ASCC3: variants seen among roughly 807,000 people sequenced by gnomAD.
The protein encoded by ASCC3 is activating signal cointegrator 1 complex subunit 3, also known as ASC-1 complex subunit P200.
A neutral mutation model predicts 256.3 loss-of-function variants in ASCC3; 158 were observed. The observed-to-expected ratio is 0.62, with a 90% CI of 0.54 to 0.70. The LOEUF (loss-of-function observed/expected upper bound fraction) is 0.70, where lower values mean the gene tolerates loss of function less well. Ranked by LOEUF, ASCC3 falls within the 30% of genes least tolerant of loss-of-function variation. ASCC3 has a pLI of 0.00. For synonymous variants in ASCC3, 948 were observed against 883.4 expected (o/e 1.07, Z -1.30); for missense variants, 2,259 against 2,626.0 (o/e 0.86, Z 3.05).
chr6:100,665,180 ATCAGTGGCCAGTTTCACATTCAACCAGCG>A (rs953181567), intron 14 of ASCC3, among the ~76,000 whole-genome samples: 3 of 152,156 alleles, frequency 2.0e-5, no homozygotes, highest in African/African-American at 7.2e-5. Context: ...TTCAACCAGC[ATCAGTGGCCAGTTTCACATTCAACCAGCG>A]TCAGTGGCCA....
chr6:100,686,671 T>C (rs1777581173), intron 13 of ASCC3, among the ~76,000 whole-genome samples: 1 of 152,124 alleles, frequency 6.6e-6, no homozygotes, highest in African/African-American at 2.4e-5. Context: ...TTAAAAGCAA[T>C]GTAATAAATA....
At chr6:100,570,694 G>A (rs1284687324) in intron 36 of ASCC3, among the ~76,000 whole-genome samples, 1 of 151,932 alleles carries the variant, frequency 6.6e-6, no homozygotes, top group African/African-American at 2.4e-5. Flanking sequence ...TTTGAAACTT[G>A]GAAAAGAATC....
intron 30 of ASCC3, among the ~76,000 whole-genome samples, chr6:100,624,201 T>C (rs938775699): frequency 6.6e-6 from 1 of 151,874 alleles, no homozygotes; most frequent in Admixed American, 6.6e-5. Context: ...TTAATATGTA[T>C]ATATGTATAG....
At chr6:100,676,679 T>C (rs1777024599) in intron 14 of ASCC3, among the ~76,000 whole-genome samples, 1 of 152,162 alleles carries the variant, frequency 6.6e-6, no homozygotes, top group South Asian at 2.1e-4. Flanking sequence ...GAGAAAAGAC[T>C]CATTTCAGTT....
In ASCC3 at chr6:100,579,586, T is replaced by C. The variant is rs181034385; in HGVS notation, c.5550+10048A>G. On this transcript the variant is annotated intron_variant, in intron 36 of 41. Coordinates refer to ENST00000369162, the MANE Select transcript of ASCC3 (RefSeq NM_006828.4). ...GCTCGGCAATTATCCCAGCACCATTTATTGAATAGGGAGTCTTTTTCCCAT... is the reference window on the plus strand; with the variant it reads ...GCTCGGCAATTATCCCAGCACCATTCATTGAATAGGGAGTCTTTTTCCCAT... Among the ~76,000 whole-genome samples the C allele has an allele frequency of 1.2e-4, 19 of 152,242 alleles. No individual in the cohort carries two copies. The East Asian group carries it at 3.7e-3, about 29-fold the overall frequency.
chr6:100,758,030 T>C (rs527288341), intron 10 of ASCC3, among the ~76,000 whole-genome samples: 1 of 152,146 alleles, frequency 6.6e-6, no homozygotes, highest in African/African-American at 2.4e-5. Flanking sequence ...GGTGGGAACA[T>C]GTGTAAAAAG....
At chr6:100,868,171 T>C (rs2114556427) in intron 1 of ASCC3, 133 bp from the exon 2 acceptor site, 1 of 612,440 alleles carries the variant, frequency 1.6e-6, no homozygotes, top group Non-Finnish European at 2.9e-6. Context: ...GTTGAAAAAT[T>C]CTCCTGACAT....
chr6:100,551,767 A>C (rs1350581606), intron 36 of ASCC3, among the ~76,000 whole-genome samples: 1 of 152,036 alleles, frequency 6.6e-6, no homozygotes, highest in African/African-American at 2.4e-5. Flanking sequence ...CATATTTAAA[A>C]ATTATAATTA....
At chr6:100,758,450 C>T (rs1781287194) in intron 10 of ASCC3, among the ~76,000 whole-genome samples, 1 of 152,090 alleles carries the variant, frequency 6.6e-6, no homozygotes, top group South Asian at 2.1e-4. Context: ...CATGTGTTCT[C>T]ATTGTTCAAT....
intron 4 of ASCC3, among the ~76,000 whole-genome samples, chr6:100,847,805 T>G (rs1772454399): frequency 6.6e-6 from 1 of 152,166 alleles, no homozygotes; most frequent in Admixed American, 6.5e-5. Context: ...TCTACAACAG[T>G]AGGCCATCCC....
At chr6:100,692,222 T>C (rs943912118) in intron 13 of ASCC3, among the ~76,000 whole-genome samples, 24 of 152,094 alleles carry the variant, frequency 1.6e-4, no homozygotes, top group African/African-American at 5.8e-4. Context: ...TTCTCTTTCT[T>C]GAACTAAACA....
intron 36 of ASCC3, among the ~76,000 whole-genome samples, chr6:100,584,311 T>C (rs576012834): frequency 6.6e-6 from 1 of 151,678 alleles, no homozygotes; most frequent in Non-Finnish European, 1.5e-5. Context: ...TTAGCTCTTC[T>C]TGTTGAATTG....
chr6:100,628,064 G>A lies in ASCC3; in HGVS notation c.4376-77C>T, dbSNP rs1030839144. On this transcript the variant is annotated intron_variant, in intron 27 of 41. Coordinates refer to ENST00000369162, the MANE Select transcript of ASCC3 (RefSeq NM_006828.4). ...CATTGCAGCAACCACAAAAGGAAGA[G>A]TTTGTAGCTTCCTCAAAAAACAAAA... is the stretch of plus-strand genomic sequence containing the variant. The A allele has an allele frequency of 9.2e-6, 12 of 1,300,094 alleles. 1 individual carries two copies. In the South Asian group the frequency reaches 1.3e-4, roughly 14 times the overall value. 80.5% of individuals were successfully genotyped at this position (1,300,094 alleles called of 1,614,324 possible).
At chr6:100,687,567 G>A (rs1035529460) in intron 13 of ASCC3, among the ~76,000 whole-genome samples, 50 of 151,628 alleles carry the variant, frequency 3.3e-4, no homozygotes, top group African/African-American at 1.0e-3. Context: ...ATTTTGAACC[G>A]GAGAAATAAT....
intron 2 of ASCC3, among the ~76,000 whole-genome samples, chr6:100,864,919 A>G (rs1477743069): frequency 6.6e-6 from 1 of 152,220 alleles, no homozygotes; most frequent in Non-Finnish European, 1.5e-5. Context: ...CACAATAAAA[A>G]TTTTATTTCA....
intron 36 of ASCC3, among the ~76,000 whole-genome samples, chr6:100,579,601 C>CA (rs1021499367): frequency 1.3e-5 from 2 of 151,946 alleles, no homozygotes; most frequent in African/African-American, 4.8e-5. Flanking sequence ...AATAGGGAGT[C>CA]TTTTTCCCAT....
At position 100,515,488 on chromosome 6, in the gene ASCC3, A is replaced by G. The variant is rs138932856; in HGVS notation, c.6075+692T>C. On this transcript the variant is annotated intron_variant, in intron 39 of 41. Coordinates refer to ENST00000369162, the MANE Select transcript of ASCC3 (RefSeq NM_006828.4). The stretch of plus-strand genomic sequence containing the variant: ...CCTGAACGTTTACTTTGACATGTTT[A>G]GGGTAAAACTGCTTAAGACTTAAAG... Among the ~76,000 whole-genome samples the G allele has an allele frequency of 4.3e-3, 662 of 152,308 alleles. 5 individuals carry two copies. The highest frequency in any genetic ancestry group is 0.015 in the African/African-American group (642 of 41,580).
At chr6:100,657,175 C>T (rs1775955087) in intron 16 of ASCC3, among the ~76,000 whole-genome samples, 1 of 151,046 alleles carries the variant, frequency 6.6e-6, no homozygotes, top group African/African-American at 2.4e-5. Flanking sequence ...GTTACTAAAA[C>T]AGAGAAATGA....
intron 14 of ASCC3, among the ~76,000 whole-genome samples, chr6:100,667,936 T>C (rs1318667288): frequency 1.3e-5 from 2 of 151,736 alleles, no homozygotes; most frequent in East Asian, 1.9e-4. Flanking sequence ...GATTTAAAGA[T>C]TGTGAAATTG....
Sources: gnomAD v4.1 joint callset for allele counts (sites outside exome capture counted in the v4.1 genomes callset) on GRCh38, gnomAD v4.1.1 for gene constraint, MANE v1.5 for transcripts, NCBI Gene and HGNC (gene_info 2026-07-23, HGNC 2026-07-21) for gene names.